ZNF418: variants seen among roughly 807,000 people sequenced by gnomAD.
ZNF418 encodes the protein zinc finger protein 418.
ZNF418 carries 32 observed loss-of-function variants against 32.0 expected under a neutral mutation model. The ratio of observed to expected loss-of-function variants is 1.00; its 90% CI spans 0.75 to 1.34. ZNF418 has a LOEUF of 1.34. Ranked by LOEUF, ZNF418 falls within the 40% of genes most tolerant of loss-of-function variation. The probability of loss-of-function intolerance (pLI) is 0.00; values close to 1 mark genes in which losing one functional copy is unlikely to be tolerated. For missense variants in ZNF418, 804 were observed against 812.5 expected, an observed-to-expected ratio of 0.99 and a Z score of 0.13; for synonymous variants, 276 against 270.7, an observed-to-expected ratio of 1.02 and a Z score of -0.19.
chr19:57,934,300 T>C, intron 1 of ZNF418: 1 of 840,572 alleles, frequency 1.2e-6, no homozygotes, highest in Non-Finnish European at 1.4e-6. Flanking sequence ...CCGCAACCTC[T>C]GCCTCCCGAG....
chr19:57,926,247 C>G lies in ZNF418; in HGVS notation c.1934G>C (p.Arg645Thr), dbSNP rs1230910098. Residue 645 changes from arginine to threonine, a missense_variant, in exon 4 of 6, where the codon AGG (arginine) becomes ACG (threonine). Physicochemically the swap from Arg to Thr is moderately conservative, Grantham distance 71 (BLOSUM62 -1). This residue lies in a region of ZNF418 where 475 missense variants were observed against 458.6 expected (regional missense o/e 1.04). Coordinates refer to ENST00000396147, the MANE Select transcript of ZNF418 (RefSeq NM_133460.3). ...TEHRRVHTGE[R>T]PYECSECGKS... The stretch of plus-strand genomic sequence containing the variant: ...TCCACATTCACTGCACTCATAAGGC[C>G]TTTCTCCAGTGTGTACTCTCCTGTG... 4 of 1,613,890 alleles carry G rather than the reference C, an allele frequency of 2.5e-6. No individual in the cohort carries two copies. Among genetic ancestry groups the G allele is most frequent in the Admixed American group, 1.7e-5 (1 of 59,990 alleles).
rs1315837116 is a variant in ZNF418, at chr19:57,930,498, G to A, written c.63C>T (p.Leu21=). Residue 21 remains leucine (L), a synonymous_variant, in exon 3 of 6, where the codon CTC becomes CTT. Transcript: ENST00000396147. ...AAAGGCATCTCTGAACCTCACTAAGGAGACTCCACTCCTCCTGGGAAAAGT... is the reference window on the plus strand; with the variant it reads ...AAAGGCATCTCTGAACCTCACTAAGAAGACTCCACTCCTCCTGGGAAAAGT... ...AVNFSQEEWS[L]LSEVQRCLYH... The A allele has an allele frequency of 1.2e-6, 2 of 1,614,090 alleles. No individual in the cohort carries two copies. The highest frequency in any genetic ancestry group is 1.7e-6 in the Non-Finnish European group (2 of 1,179,996).
At chr19:57,933,217 C>A (rs2072551117) in intron 2 of ZNF418, among the ~76,000 whole-genome samples, 1 of 152,258 alleles carries the variant, frequency 6.6e-6, no homozygotes, top group South Asian at 2.1e-4. Flanking sequence ...TCCATCACTG[C>A]AGATGCTAAG....
rs566075372 is a variant in ZNF418, at chr19:57,922,477, C to T, written c.*778G>A. 12 of 397,860 alleles carry T rather than the reference C, an allele frequency of 3.0e-5. No homozygotes were observed. Among genetic ancestry groups the T allele is most frequent in the Non-Finnish European group, 4.0e-5 (9 of 225,636 alleles). The allele number at this position is 397,860 out of a possible 1,614,324, so 24.6% of individuals were successfully genotyped here. A position where few individuals can be genotyped will look rare whatever the true frequency, so the allele number is the denominator to read the frequency against. On this transcript the variant is annotated 3_prime_UTR_variant, in exon 6 of 6. Coordinates refer to ENST00000396147, the MANE Select transcript of ZNF418 (RefSeq NM_133460.3). Reference sequence around the variant, plus strand: ...AACACATATTTACCCATGACTTCCACGGTGGCTCTTCTGTAAGGAAATGCT... The same window carrying T: ...AACACATATTTACCCATGACTTCCATGGTGGCTCTTCTGTAAGGAAATGCT...
rs1273529174 is a variant in ZNF418, at chr19:57,927,537, T to C, written c.644A>G (p.Lys215Arg). 1 of 1,614,144 alleles carries C rather than the reference T, an allele frequency of 6.2e-7. No individual in the cohort carries two copies. Among genetic ancestry groups the C allele is most frequent in the East Asian group, 2.2e-5 (1 of 44,904 alleles). ...CGECMKHSST[K>R]HVFVQQQRLP... ...TCTCTGCTGTTGAACAAATACGTGTTTGGTGCTAGAATGTTTCATGCATTC... is the reference window on the plus strand; with the variant it reads ...TCTCTGCTGTTGAACAAATACGTGTCTGGTGCTAGAATGTTTCATGCATTC... Residue 215 changes from lysine to arginine, a missense_variant, in exon 4 of 6, where the codon AAA becomes AGA. By Grantham distance (26) the Lys-to-Arg change is conservative (BLOSUM62 2). This residue lies in a region of ZNF418 where 307 missense variants were observed against 304.9 expected (regional missense o/e 1.01). Transcript: ENST00000396147.
chr19:57,929,004 ACAAAAAC>A (rs1023197253), intron 3 of ZNF418, among the ~76,000 whole-genome samples: 50 of 73,388 alleles, frequency 6.8e-4, no homozygotes, highest in East Asian at 3.6e-3. Flanking sequence ...AAAAACAAAA[ACAAAAAC>A]CAAAAACAAA....
chr19:57,923,883 T>C (rs1048184367), intron 4 of ZNF418, among the ~76,000 whole-genome samples: 1 of 151,612 alleles, frequency 6.6e-6, no homozygotes, highest in African/African-American at 2.4e-5. Context: ...GCCACTTTCA[T>C]GGGTTTCTAT....
intron 2 of ZNF418, among the ~76,000 whole-genome samples, chr19:57,930,909 T>C (rs1294691998): frequency 6.6e-6 from 1 of 152,102 alleles, no homozygotes; most frequent in African/African-American, 2.4e-5. Flanking sequence ...CCCGAGTAGC[T>C]GGGATTACAG....
intron 2 of ZNF418, among the ~76,000 whole-genome samples, chr19:57,930,835 T>C (rs764934130): frequency 6.4e-4 from 97 of 152,328 alleles, no homozygotes; most frequent in Middle Eastern, 3.4e-3. Flanking sequence ...TGGAGTGCAG[T>C]GGCATGACCT....
At position 57,927,622 on chromosome 19, in the gene ZNF418, T is replaced by C; in HGVS notation, c.559A>G (p.Asn187Asp). ...QEATHTGEKSNSKPECESPFQ... is the reference protein window; with the variant it reads ...QEATHTGEKSDSKPECESPFQ... ...GGAGACTCACACTCAGGTTTGCTGT[T>C]TGACTTCTCCCCAGTGTGAGTGGCC... The change falls in exon 4 of 6, where the codon AAC becomes GAC. Residue 187 changes from asparagine to aspartate, a missense_variant. By Grantham distance (23) the Asn-to-Asp change is conservative. Around this residue, in one of 3 missense-constraint regions of ZNF418, gnomAD observed 307 missense variants for 304.9 expected, o/e 1.01. Transcript: ENST00000396147. 6.2e-7 allele frequency: 1 copy of C among 1,614,054 alleles called. No individual in the cohort carries two copies. Among genetic ancestry groups the C allele is most frequent in the South Asian group, 1.1e-5 (1 of 91,070 alleles).
At chr19:57,931,127 G>A (rs1298025708) in intron 2 of ZNF418, among the ~76,000 whole-genome samples, 1 of 152,170 alleles carries the variant, frequency 6.6e-6, no homozygotes, top group African/African-American at 2.4e-5. Flanking sequence ...GCTAATGCCT[G>A]TGGTATATCC....
chr19:57,934,622 T>C (rs1186341452), intron 1 of ZNF418, among the ~76,000 whole-genome samples: 2 of 152,182 alleles, frequency 1.3e-5, no homozygotes, highest in East Asian at 1.9e-4. Context: ...CCTTTTCTTA[T>C]CGCTGGAGCC....
intron 1 of ZNF418, chr19:57,934,848 C>T (rs2072630540): frequency 8.3e-6 from 3 of 362,204 alleles, no homozygotes; most frequent in South Asian, 1.2e-4. Context: ...AGCGTCTTCA[C>T]AGCGAATACA....
chr19:57,934,163 G>A, intron 1 of ZNF418: 1 of 1,242,356 alleles, frequency 8.0e-7, no homozygotes, highest in Non-Finnish European at 1.0e-6. Context: ...GACATCACAA[G>A]CTAGAGAACA....
Position 57,926,963 on chromosome 19 carries a change from A to G in ZNF418, c.1218T>C (p.Ser406=), listed in dbSNP as rs771593266. Residue 406 remains serine (S), a synonymous_variant, in exon 4 of 6, where the codon TCT becomes TCC. Transcript: ENST00000396147. The part of the protein sequence containing the change: ...RPYECGECGK[S]FSRKGHLRNH... ...TCCTAAGGTGTCCCTTTCGACTAAA[A>G]GATTTCCCACATTCTCCACACTCAT... 2.5e-6 allele frequency: 4 copies of G among 1,613,532 alleles called. No homozygotes were observed. The highest frequency in any genetic ancestry group is 3.3e-5 in the Admixed American group (2 of 59,964).
Position 57,925,846 on chromosome 19 carries a change from T to C in ZNF418, c.*304A>G, listed in dbSNP as rs1241238944. 1 of 296,288 alleles carries C rather than the reference T, an allele frequency of 3.4e-6. No homozygotes were observed. Among genetic ancestry groups the C allele is most frequent in the Admixed American group, 4.6e-5 (1 of 21,948 alleles). The allele number at this position is 296,288 out of a possible 1,614,324, so 18.4% of individuals were successfully genotyped here. A position where few individuals can be genotyped will look rare whatever the true frequency, so the allele number is the denominator to read the frequency against. On this transcript the variant is annotated 3_prime_UTR_variant, in exon 4 of 6. Transcript: ENST00000396147. The stretch of plus-strand genomic sequence containing the variant: ...CTGAAGGTATGTCAATTTAGGCAGA[T>C]GGCTCCGTCATAAGGCATCTCCTCC...
chr19:57,932,567 T>C, intron 2 of ZNF418: 1 of 1,533,656 alleles, frequency 6.5e-7, no homozygotes, highest in South Asian at 1.2e-5. Context: ...GTGTTGCACT[T>C]GGTGACCCCT....
In ZNF418 at chr19:57,922,825, C is replaced by G. The variant is rs1447369414; in HGVS notation, c.*626-196G>C. Reference sequence around the variant, plus strand: ...GAGCAGCCTGGGCAACATAGTGAGACCTAATCTCTACAGAAAAATTTTAAA... The same window carrying G: ...GAGCAGCCTGGGCAACATAGTGAGAGCTAATCTCTACAGAAAAATTTTAAA... On this transcript the variant is annotated intron_variant, in intron 5 of 5. Coordinates refer to ENST00000396147, the MANE Select transcript of ZNF418 (RefSeq NM_133460.3). Among the ~76,000 whole-genome samples the G allele has an allele frequency of 2.0e-5, 3 of 151,614 alleles. No homozygotes were observed. The East Asian group carries it at 5.8e-4, about 29-fold the overall frequency.
intron 1 of ZNF418, chr19:57,934,134 T>A (rs2072598396): frequency 2.3e-6 from 3 of 1,326,792 alleles, no homozygotes; most frequent in Non-Finnish European, 2.9e-6. Context: ...ACTGAAAAAA[T>A]GGCAAGTAAG....
Sources: gnomAD v4.1 joint callset for allele counts (sites outside exome capture counted in the v4.1 genomes callset) on GRCh38, gnomAD v4.1.1 for gene constraint, gnomAD v4.1.1 regional missense constraint, MANE v1.5 for transcripts, NCBI Gene and HGNC (gene_info 2026-07-23, HGNC 2026-07-21) for gene names.